Variants in SZT2 observed in about 807,000 individuals in gnomAD.
SZT2 encodes SZT2 subunit of KICSTOR complex, also known as KICSTOR complex protein SZT2.
A neutral mutation model predicts 404.2 loss-of-function variants in SZT2; 216 were observed. The observed-to-expected ratio is 0.53, with a 90% CI of 0.48 to 0.60. The LOEUF is 0.60. Among genes scored for constraint, SZT2 ranks in the 20% least tolerant of loss-of-function variants. The pLI is 0.00. For synonymous variants in SZT2, 1,693 were observed against 1,749.9 expected (o/e 0.97, Z 0.81); for missense variants, 3,857 against 4,459.2 (o/e 0.86, Z 3.85).
chr1:43,425,609 C>T lies in SZT2; in HGVS notation c.2781C>T (p.Leu927=), dbSNP rs765517325. ...VGPGPGIWKH[L]QDLTYSEIPQ... is the part of the protein sequence containing the mutation. ...CTGGCCCTGGAATCTGGAAGCACCT[C>T]CAGGACCTGACGTATTCTGAGATCC... The change falls in exon 19 of 72, where the codon CTC becomes CTT. Residue 927 remains leucine, a synonymous_variant. Coordinates refer to ENST00000634258, the MANE Select transcript of SZT2 (RefSeq NM_001365999.1). This position sits in a 1 kb window ranked among gnomAD's most constrained non-coding sequence, Gnocchi z 4.3. The T allele has an allele frequency of 1.9e-6, 3 of 1,614,144 alleles. No homozygotes were observed. In the South Asian group the frequency reaches 3.3e-5, roughly 18 times the overall value.
chr1:43,448,852 C>T lies in SZT2; in HGVS notation c.10086+124C>T. 2 of 864,106 alleles carry T rather than the reference C, an allele frequency of 2.3e-6. No individual in the cohort carries two copies. The highest frequency in any genetic ancestry group is 2.4e-5 in the East Asian group (1 of 41,486). 53.5% of individuals were successfully genotyped at this position (864,106 alleles called of 1,614,324 possible). On this transcript the variant is annotated intron_variant, in intron 70 of 71. Transcript: ENST00000634258. This position sits in a 1 kb window ranked among gnomAD's most constrained non-coding sequence, Gnocchi z 4.2. Reference sequence around the variant, plus strand: ...GGGAGGCCTAGACAGAACGGGACTACACAGATACATGTAAAACCCTTCCAG... The same window carrying T: ...GGGAGGCCTAGACAGAACGGGACTATACAGATACATGTAAAACCCTTCCAG...
At position 43,431,891 on chromosome 1, in the gene SZT2, A is replaced by G. The variant is rs1332529839; in HGVS notation, c.5264A>G (p.Gln1755Arg). ...FVFGPERSLT[Q>R]FKEEFRRLHL... ...TTTGGGCCAGAGCGTTCCCTCACAC[A>G]ATTCAAGGAGGTAAGTTGCCCTCCA... Residue 1755 changes from glutamine (Q) to arginine (R), a missense_variant, in exon 36 of 72, where the codon CAA becomes CGA. Around this residue, in one of 7 missense-constraint regions of SZT2, gnomAD observed 1,725 missense variants for 1,881.0 expected, o/e 0.92. Coordinates refer to ENST00000634258, the MANE Select transcript of SZT2 (RefSeq NM_001365999.1). The G allele has an allele frequency of 3.1e-6, 5 of 1,614,038 alleles. No individual in the cohort carries two copies. Among genetic ancestry groups the G allele is most frequent in the Non-Finnish European group, 3.4e-6 (4 of 1,180,014 alleles).
intron 7 of SZT2, among the ~76,000 whole-genome samples, chr1:43,419,249 A>G (rs551024640): frequency 6.6e-6 from 1 of 152,344 alleles, no homozygotes; most frequent in African/African-American, 2.4e-5. Flanking sequence ...CTCAGGGTAT[A>G]TGTAGTTTGC....
rs767752078 is a variant in SZT2, at chr1:43,430,483, C to G, written c.4481-13C>G. 1 of 1,612,096 alleles carries G rather than the reference C, an allele frequency of 6.2e-7. No homozygotes were observed. The highest frequency in any genetic ancestry group is 8.5e-7 in the Non-Finnish European group (1 of 1,178,556). ...CCAGCCTCTCTCATTGACCATGTGA[C>G]ATGCACTACTAGGAGACACATCTGC... On this transcript the variant is annotated splice_polypyrimidine_tract_variant and intron_variant, in intron 31 of 71. Transcript: ENST00000634258.
chr1:43,393,780 G>C (rs947770379), intron 1 of SZT2, among the ~76,000 whole-genome samples: 2 of 152,208 alleles, frequency 1.3e-5, no homozygotes, highest in Non-Finnish European at 2.9e-5. Context: ...ATGCAGCACA[G>C]TGCCTGGTAA....
chr1:43,410,106 A>G (rs1206923538), intron 4 of SZT2: 1 of 152,202 alleles, frequency 6.6e-6, no homozygotes, highest in African/African-American at 2.4e-5. Context: ...GAAGCCATAT[A>G]TCTACAATGA....
Position 43,421,290 on chromosome 1 carries a change from G to T in SZT2, c.1613G>T (p.Gly538Val). Residue 538 changes from glycine (G) to valine (V), a missense_variant, in exon 11 of 72, where the codon GGC (glycine) becomes GTC (valine). Physicochemically the swap from Gly to Val is moderately radical, Grantham distance 109 (BLOSUM62 -3). This residue lies in a region of SZT2 where 39 missense variants were observed against 89.7 expected (regional missense o/e 0.43). Transcript: ENST00000634258. ...SGVPLFYIPP[G>V]STTPVLSLQP... ...GTGCCACTCTTCTACATCCCTCCAG[G>T]CTCCACCACCCCGGTGAGTAGCTCT... 1 of 1,598,516 alleles carries T rather than the reference G, an allele frequency of 6.3e-7. No homozygotes were observed. Among genetic ancestry groups the T allele is most frequent in the East Asian group, 2.2e-5 (1 of 44,878 alleles).
chr1:43,447,268 A>G (rs957402568), intron 66 of SZT2, 100 bp downstream of exon 66: 1 of 1,324,786 alleles, frequency 7.5e-7, no homozygotes, highest in Non-Finnish European at 1.0e-6. Context: ...AAGTGGTCCC[A>G]TGTTGTTAAT....
rs563022421 is a variant in SZT2 at position 43,422,847 on chromosome 1, T to A, written c.2001T>A (p.Gly667=). 1 of 1,592,264 alleles carries A rather than the reference T, an allele frequency of 6.3e-7. No individual in the cohort carries two copies. Among genetic ancestry groups the A allele is most frequent in the African/African-American group, 1.3e-5 (1 of 74,730 alleles). ...SKAPCMVLRL[G]FPIGTPAPAR... ...CCCCATGCATGGTTCTTCGCCTGGG[T>A]TTTCCCATTGGCACACCAGCACCGG... The change falls in exon 14 of 72, where the codon GGT becomes GGA. Residue 667 remains glycine, a synonymous_variant. Transcript: ENST00000634258.
At chr1:43,410,793 C>G (rs1384233102) in intron 4 of SZT2, among the ~76,000 whole-genome samples, 1 of 152,054 alleles carries the variant, frequency 6.6e-6, no homozygotes, top group Non-Finnish European at 1.5e-5. Flanking sequence ...TCACTACAGG[C>G]CTTTGACAAA....
chr1:43,416,642 G>T lies in SZT2; in HGVS notation c.879+1G>T. The T allele has an allele frequency of 6.3e-7, 1 of 1,596,484 alleles. No homozygotes were observed. The highest frequency in any genetic ancestry group is 8.5e-7 in the Non-Finnish European group (1 of 1,178,894). ...CACTGTGGCTTGTTCCTTTGTCCAG[G>T]TGAGGACTTTTTAGGAAGGACGAGA... On this transcript the variant is annotated splice_donor_variant, in intron 7 of 71. Transcript: ENST00000634258. LOFTEE classifies it high-confidence loss of function.
intron 62 of SZT2, among the ~76,000 whole-genome samples, chr1:43,445,038 G>A (rs979652199): frequency 6.6e-6 from 1 of 152,128 alleles, no homozygotes; most frequent in Non-Finnish European, 1.5e-5. Context: ...AGGCCAGGCT[G>A]GCCCCTCCTA....
intron 4 of SZT2, 52 bp from the exon 5 acceptor site, chr1:43,415,030 G>T: frequency 1.3e-6 from 2 of 1,578,200 alleles, no homozygotes; most frequent in Non-Finnish European, 1.7e-6. Flanking sequence ...GAAGTGTAGT[G>T]GTCTGTGCCA....
At position 43,448,568 on chromosome 1, in the gene SZT2, A is replaced by C; in HGVS notation, c.9970-44A>C. The stretch of plus-strand genomic sequence containing the variant: ...CCAGGGCAGAGGGCACAGGAATCTG[A>C]GGTGACTGGCACAGAAGACTCAGGC... On this transcript the variant is annotated intron_variant, in intron 69 of 71. Coordinates refer to ENST00000634258, the MANE Select transcript of SZT2 (RefSeq NM_001365999.1). The surrounding 1 kb of genome is among the most constrained non-coding windows in gnomAD (Gnocchi z 4.2). 1 of 1,613,868 alleles carries C rather than the reference A, an allele frequency of 6.2e-7. No homozygotes were observed.
At position 43,448,931 on chromosome 1, in the gene SZT2, A is replaced by C; in HGVS notation, c.10086+203A>C. The C allele has an allele frequency of 1.7e-6, 1 of 578,126 alleles. No homozygotes were observed. The highest frequency in any genetic ancestry group is 3.1e-5 in the Admixed American group (1 of 32,746). 35.8% of individuals were successfully genotyped at this position (578,126 alleles called of 1,614,324 possible). A position where few individuals can be genotyped will look rare whatever the true frequency, so the allele number is the denominator to read the frequency against. On this transcript the variant is annotated intron_variant, in intron 70 of 71. Coordinates refer to ENST00000634258, the MANE Select transcript of SZT2 (RefSeq NM_001365999.1). This position sits in a 1 kb window ranked among gnomAD's most constrained non-coding sequence, Gnocchi z 4.2. ...TCTCTGAGCAGCTCTGCCCTCAAAG[A>C]CTCACCAAGAATACAAGCCTTGGCT... is the stretch of plus-strand genomic sequence containing the variant.
At position 43,417,848 on chromosome 1, in the gene SZT2, A is replaced by T. The variant is rs1651887459; in HGVS notation, c.879+1207A>T. On this transcript the variant is annotated intron_variant, in intron 7 of 71. Transcript: ENST00000634258. ...AGAGGGTCCTGGAAGAACTTTGGGG[A>T]ACACCAGTGTTCAAGGTCTTTCATA... Among the ~76,000 whole-genome samples the T allele has an allele frequency of 2.6e-5, 4 of 152,130 alleles. 1 individual carries two copies. The highest frequency in any genetic ancestry group is 2.6e-4 in the Admixed American group (4 of 15,262).
chr1:43,454,030 G>T lies in SZT2; in HGVS notation c.*3550G>T. The T allele has an allele frequency of 8.6e-7, 1 of 1,161,008 alleles. No individual in the cohort carries two copies. Among genetic ancestry groups the T allele is most frequent in the Non-Finnish European group, 1.1e-6 (1 of 943,508 alleles). The allele number at this position is 1,161,008 out of a possible 1,614,324, so 71.9% of individuals were successfully genotyped here. ...GGCGGAGCGAGGGCGGCCGGAAAAGGAGCAGGACCCGCGCCTGGAGAAGGT... is the reference window on the plus strand; with the variant it reads ...GGCGGAGCGAGGGCGGCCGGAAAAGTAGCAGGACCCGCGCCTGGAGAAGGT... On this transcript the variant is annotated 3_prime_UTR_variant, in exon 72 of 72. Transcript: ENST00000634258.
In SZT2 at chr1:43,453,976, G is replaced by C; in HGVS notation, c.*3496G>C. ...TTCACGAAAAGCGCCTACGGTTAGC[G>C]AGAGAGGGATCACGGGGAGAGGCGA... On this transcript the variant is annotated 3_prime_UTR_variant, in exon 72 of 72. Transcript: ENST00000634258. 8.4e-7 allele frequency: 1 copy of C among 1,190,658 alleles called. No homozygotes were observed. The allele number at this position is 1,190,658 out of a possible 1,614,324, so 73.8% of individuals were successfully genotyped here.
intron 7 of SZT2, 148 bp from the exon 8 acceptor site, chr1:43,419,586 G>A (rs1652097212): frequency 3.1e-6 from 2 of 645,752 alleles, no homozygotes; most frequent in Non-Finnish European, 5.3e-6. Context: ...GACACAGACA[G>A]TGGTCTGTCC....
Sources: allele counts gnomAD v4.1 joint callset (sites outside exome capture counted in the v4.1 genomes callset), GRCh38; gene constraint gnomAD v4.1.1; regional missense constraint gnomAD v4.1.1; non-coding constraint Gnocchi (gnomAD v3.1); transcripts MANE v1.5; gene names NCBI Gene and HGNC (gene_info 2026-07-23, HGNC 2026-07-21).